Variants in ADAM8 observed in about 807,000 individuals in gnomAD.
The protein encoded by ADAM8 is disintegrin and metalloproteinase domain-containing protein 8.
In ADAM8, 104 loss-of-function variants were observed where a neutral mutation model predicts 102.4. The ratio of observed to expected loss-of-function variants is 1.02; its 90% CI spans 0.87 to 1.20. The LOEUF is 1.20. Ranked by LOEUF, ADAM8 falls within the 50% of genes most tolerant of loss-of-function variation. The pLI is 0.00. For synonymous variants in ADAM8, 517 were observed against 485.2 expected (o/e 1.07, Z -0.86); for missense variants, 1,132 against 1,159.0 (o/e 0.98, Z 0.34).
Position 133,273,406 on chromosome 10 carries a change from C to T in ADAM8, c.421G>A (p.Glu141Lys), listed in dbSNP as rs748784883. ...CCCTCGCCACCTTCATCCAGGGGCT[C>T]GATCAGGTGCAGGTCTGACCCCACC... ...FQVGSDLHLI[E>K]PLDEGGEGGR... Residue 141 changes from glutamate to lysine, a missense_variant, in exon 6 of 23, where the codon GAG (glutamate) becomes AAG (lysine). Physicochemically the swap from Glu to Lys is moderately conservative, Grantham distance 56 (BLOSUM62 1). Coordinates refer to ENST00000445355, the MANE Select transcript of ADAM8 (RefSeq NM_001109.5). 2.6e-6 allele frequency: 4 copies of T among 1,548,508 alleles called. No individual in the cohort carries two copies. The highest frequency in any genetic ancestry group is 1.4e-5 in the African/African-American group (1 of 73,032).
At position 133,276,858 on chromosome 10, in the gene ADAM8, G is replaced by A. The variant is rs1846777460; in HGVS notation, c.-41C>T. 1.3e-6 allele frequency: 2 copies of A among 1,510,966 alleles called. No individual in the cohort carries two copies. Among genetic ancestry groups the A allele is most frequent in the South Asian group, 2.5e-5 (2 of 81,210 alleles). The allele number at this position is 1,510,966 out of a possible 1,614,324, so 93.6% of individuals were successfully genotyped here. On this transcript the variant is annotated 5_prime_UTR_variant, in exon 1 of 23. Coordinates refer to ENST00000445355, the MANE Select transcript of ADAM8 (RefSeq NM_001109.5). ...CAGAGGCGGAGGTGACAGCCCCGCG[G>A]GACACGGTCTGGTTCCTGCGCTCCT...
In ADAM8 at chr10:133,271,260, G is replaced by A. The variant is rs770197925; in HGVS notation, c.1314C>T (p.Thr438=). ...GGGCCCCCTCAGCCAGCTGGCAGGT[G>A]GTAGAGTTGCAGCAGCGGTTCCGGC... is the stretch of plus-strand genomic sequence containing the variant. ...EDCRNRCCNS[T]TCQLAEGAQC... Residue 438 remains threonine, a synonymous_variant, in exon 13 of 23, where the codon ACC becomes ACT. Coordinates refer to ENST00000445355, the MANE Select transcript of ADAM8 (RefSeq NM_001109.5). 4.3e-6 allele frequency: 7 copies of A among 1,611,156 alleles called. No homozygotes were observed. Among genetic ancestry groups the A allele is most frequent in the Non-Finnish European group, 5.9e-6 (7 of 1,179,772 alleles).
rs754687789 is a variant in ADAM8, at chr10:133,272,978, A to G, written c.615T>C (p.Tyr205=). ...ACACCTCTGCATTGTCCACGACCACATACAGCTCCACGTAGCGGGTCTCTC... is the reference window on the plus strand; with the variant it reads ...ACACCTCTGCATTGTCCACGACCACGTACAGCTCCACGTAGCGGGTCTCTC... The part of the protein sequence containing the change: ...PSRETRYVEL[Y]VVVDNAEFQM... Residue 205 remains tyrosine (Y), a synonymous_variant, in exon 7 of 23, where the codon TAT becomes TAC. Coordinates refer to ENST00000445355, the MANE Select transcript of ADAM8 (RefSeq NM_001109.5). 1 of 1,612,612 alleles carries G rather than the reference A, an allele frequency of 6.2e-7. No individual in the cohort carries two copies. The highest frequency in any genetic ancestry group is 1.3e-5 in the African/African-American group (1 of 74,814).
In ADAM8 at chr10:133,271,935, A is replaced by G. The variant is rs1846544424; in HGVS notation, c.977T>C (p.Val326Ala). The G allele has an allele frequency of 1.2e-6, 2 of 1,611,714 alleles. No individual in the cohort carries two copies. Among genetic ancestry groups the G allele is most frequent in the East Asian group, 4.5e-5 (2 of 44,808 alleles). ...ATGGGCCATGGTACAGGCCACGCCC[A>G]CGGGGTTCTTGCTGTGGTCCTGCAG... ...AVNQDHSKNP[V>A]GVACTMAHEM... Residue 326 changes from valine to alanine, a missense_variant, in exon 11 of 23, where the codon GTG becomes GCG. By Grantham distance (64) the Val-to-Ala change is moderately conservative. Coordinates refer to ENST00000445355, the MANE Select transcript of ADAM8 (RefSeq NM_001109.5).
rs146582386 is a variant in ADAM8 at position 133,270,618 on chromosome 10, G to A, written c.1635-108C>T. The A allele has an allele frequency of 2.6e-4, 394 of 1,533,544 alleles. 5 individuals are homozygous for A. The East Asian group carries it at 8.8e-3, about 34-fold the overall frequency. The allele number at this position is 1,533,544 out of a possible 1,614,324, so 95.0% of individuals were successfully genotyped here. A position where few individuals can be genotyped will look rare whatever the true frequency, so the allele number is the denominator to read the frequency against. On this transcript the variant is annotated intron_variant, in intron 15 of 22. Coordinates refer to ENST00000445355, the MANE Select transcript of ADAM8 (RefSeq NM_001109.5). ...CCACAACACGGTGCGCTTGAGCCTG[G>A]GGTCCATGGGTCCAGAGCAGACCCT...
chr10:133,272,990 G>A lies in ADAM8; in HGVS notation c.603C>T (p.Tyr201=), dbSNP rs185462188. The A allele has an allele frequency of 9.9e-6, 16 of 1,612,820 alleles. No homozygotes were observed. In the East Asian group the frequency reaches 1.3e-4, roughly 13 times the overall value. Residue 201 remains tyrosine, a synonymous_variant, in exon 7 of 23, where the codon TAC becomes TAT. Transcript: ENST00000445355. ...TGTCCACGACCACATACAGCTCCACGTAGCGGGTCTCTCGGGATGGCAGAG... is the reference window on the plus strand; with the variant it reads ...TGTCCACGACCACATACAGCTCCACATAGCGGGTCTCTCGGGATGGCAGAG... ...GDSLPSRETR[Y]VELYVVVDNA...
rs577641232 is a variant in ADAM8 at position 133,269,460 on chromosome 10, T to C, written c.1933A>G (p.Thr645Ala). Residue 645 changes from threonine (T) to alanine (A), a missense_variant, in exon 18 of 23, where the codon ACT becomes GCT. Thr to Ala is a moderately conservative substitution (Grantham distance 58). Coordinates refer to ENST00000445355, the MANE Select transcript of ADAM8 (RefSeq NM_001109.5). The part of the protein sequence containing the change: ...WAPPHCAKLL[T>A]EVHAASGSLP... ...GGAGGCCTACCTGCGTGCACCTCAG[T>C]CAGCAGCTTCGCGCAGTGGGGCGGG... 6.3e-7 allele frequency: 1 copy of C among 1,598,926 alleles called. No individual in the cohort carries two copies. Among genetic ancestry groups the C allele is most frequent in the African/African-American group, 1.3e-5 (1 of 74,870 alleles).
At chr10:133,273,486 G>T in intron 5 of ADAM8, 43 bp from the exon 6 acceptor site, 1 of 1,496,502 alleles carries the variant, frequency 6.7e-7, no homozygotes, top group Non-Finnish European at 9.0e-7. Flanking sequence ...CTTCAGAGTG[G>T]CCTGGTCCTG....
intron 18 of ADAM8, 161 bp from the exon 19 acceptor site, chr10:133,269,023 G>A: frequency 4.1e-6 from 4 of 985,486 alleles, no homozygotes; most frequent in Non-Finnish European, 4.8e-6. Context: ...CAGCTTGCCA[G>A]TGACAGGTTG....
chr10:133,266,042 C>T (rs1261904370), intron 21 of ADAM8, among the ~76,000 whole-genome samples: 1 of 152,174 alleles, frequency 6.6e-6, no homozygotes, highest in African/African-American at 2.4e-5. Flanking sequence ...TGCATGTGGG[C>T]CAGGCCTGGG....
intron 21 of ADAM8, 141 bp downstream of exon 21, chr10:133,267,211 G>A (rs1364354696): frequency 1.1e-5 from 10 of 897,572 alleles, no homozygotes; most frequent in South Asian, 2.9e-5. Context: ...ATGTCCTCAC[G>A]AGGTCGGGCT....
intron 8 of ADAM8, 78 bp downstream of exon 8, chr10:133,272,720 G>A: frequency 2.6e-6 from 4 of 1,524,310 alleles, no homozygotes; most frequent in Admixed American, 3.6e-5. Flanking sequence ...TGGAGCAGGT[G>A]GAATGAACCC....
chr10:133,270,560 G>T (rs1344778613), intron 15 of ADAM8, 50 bp from the exon 16 acceptor site: 3 of 1,558,596 alleles, frequency 1.9e-6, no homozygotes, highest in Non-Finnish European at 2.6e-6. Flanking sequence ...AGCATGCTGG[G>T]GAGCCCAGGA....
chr10:133,272,607 G>C, intron 8 of ADAM8, 22 bp from the exon 9 acceptor site: 1 of 1,595,734 alleles, frequency 6.3e-7, no homozygotes, highest in Non-Finnish European at 8.5e-7. Flanking sequence ...GTGGAGTCCT[G>C]GGGGTCAGGC....
chr10:133,263,833 TTC>T, intron 21 of ADAM8, 68 bp from the exon 22 acceptor site: 5 of 1,294,760 alleles, frequency 3.9e-6, no homozygotes, highest in Non-Finnish European at 4.1e-6. Context: ...GGACATCACC[TTC>T]TCTGGACCTG....
Position 133,276,828 on chromosome 10 carries a change from G to A in ADAM8, c.-11C>T, listed in dbSNP as rs374765469. 6.6e-7 allele frequency: 1 copy of A among 1,523,140 alleles called. No homozygotes were observed. The highest frequency in any genetic ancestry group is 8.8e-7 in the Non-Finnish European group (1 of 1,138,852). 94.4% of individuals were successfully genotyped at this position (1,523,140 alleles called of 1,614,324 possible). On this transcript the variant is annotated 5_prime_UTR_variant, in exon 1 of 23. Coordinates refer to ENST00000445355, the MANE Select transcript of ADAM8 (RefSeq NM_001109.5). ...CCCGAGGCCGCGCATGGCCGGGTCG[G>A]GGAGCAGAGGCGGAGGTGACAGCCC...
At chr10:133,263,595 C>A in intron 22 of ADAM8, 93 bp downstream of exon 22, 2 of 1,321,756 alleles carry the variant, frequency 1.5e-6, no homozygotes. Flanking sequence ...GAAAAAAACC[C>A]CACCCTCCAG....
At chr10:133,264,326 G>T (rs960458631) in intron 21 of ADAM8, among the ~76,000 whole-genome samples, 1 of 152,212 alleles carries the variant, frequency 6.6e-6, no homozygotes, top group South Asian at 2.1e-4. Context: ...CTCCCAAAGT[G>T]CTGGGATTAC....
chr10:133,266,284 T>G (rs2995307), intron 21 of ADAM8, among the ~76,000 whole-genome samples: 2 of 152,216 alleles, frequency 1.3e-5, no homozygotes, highest in Non-Finnish European at 2.9e-5. Flanking sequence ...TGGGTCGCAT[T>G]GGTGACGTGG....
Sources: allele counts gnomAD v4.1 joint callset (sites outside exome capture counted in the v4.1 genomes callset), GRCh38; gene constraint gnomAD v4.1.1; transcripts MANE v1.5; gene names NCBI Gene and HGNC (gene_info 2026-07-23, HGNC 2026-07-21).